GPC5: variants seen among roughly 807,000 people sequenced by gnomAD.
The protein encoded by GPC5 is glypican 5.
In GPC5, 47 loss-of-function variants were observed where a neutral mutation model predicts 53.9. The observed-to-expected ratio is 0.87, with a 90% CI of 0.69 to 1.11. The LOEUF (loss-of-function observed/expected upper bound fraction) is 1.11. Among genes scored for constraint, GPC5 ranks in the 50% most tolerant of loss-of-function variants. The probability of loss-of-function intolerance (pLI) is 0.00; values close to 1 mark genes in which losing one functional copy is unlikely to be tolerated. For missense variants in GPC5, 748 were observed against 713.1 expected, an observed-to-expected ratio of 1.05 and a Z score of -0.56; for synonymous variants, 286 against 263.3, an observed-to-expected ratio of 1.09 and a Z score of -0.84.
intron 7 of GPC5, among the ~76,000 whole-genome samples, chr13:92,194,376 A>T (rs936991666): frequency 3.9e-4 from 59 of 152,280 alleles, no homozygotes; most frequent in African/African-American, 1.4e-3. Flanking sequence ...AACACACTTG[A>T]TCCTAATACC....
At position 92,444,164 on chromosome 13, in the gene GPC5, A is replaced by T. The variant is rs17363156; in HGVS notation, c.1561+299175A>T. Reference sequence around the variant, plus strand: ...GGACGGATCCTGAGATTGGAATGATAAATTTTTAAATACATACATAGGTAT... The same window carrying T: ...GGACGGATCCTGAGATTGGAATGATTAATTTTTAAATACATACATAGGTAT... On this transcript the variant is annotated intron_variant, in intron 7 of 7. Transcript: ENST00000377067. 5.5e-3 allele frequency among the ~76,000 whole-genome samples: 834 copies of T among 152,280 alleles called. 6 individuals carry two copies. Among genetic ancestry groups the T allele is most frequent in the Non-Finnish European group, 8.3e-3 (565 of 68,018 alleles).
Position 91,419,132 on chromosome 13 carries a change from G to A in GPC5, c.163+19923G>A, listed in dbSNP as rs144982355. ...TACAAGTTATAAAACTTCAAGAATAGCTAATAATTTGAGCAAGAAGGAATC... is the reference window on the plus strand; with the variant it reads ...TACAAGTTATAAAACTTCAAGAATAACTAATAATTTGAGCAAGAAGGAATC... On this transcript the variant is annotated intron_variant, in intron 1 of 7. Transcript: ENST00000377067. Among the ~76,000 whole-genome samples the A allele has an allele frequency of 4.1e-3, 628 of 152,140 alleles. 7 individuals carry two copies. Among genetic ancestry groups the A allele is most frequent in the African/African-American group, 0.014 (587 of 41,526 alleles).
intron 2 of GPC5, among the ~76,000 whole-genome samples, chr13:91,685,771 A>G (rs2035608569): frequency 6.6e-6 from 1 of 152,158 alleles, no homozygotes; most frequent in African/African-American, 2.4e-5. Context: ...ATACACTAAG[A>G]GGGAATAGAC....
chr13:92,153,685 A>AGCCT (rs2041923133), intron 7 of GPC5, among the ~76,000 whole-genome samples: 1 of 152,330 alleles, frequency 6.6e-6, no homozygotes, highest in East Asian at 1.9e-4. Context: ...TAGGTATGTG[A>AGCCT]GCCTGCTTTG....
chr13:92,350,836 C>A (rs1007661853), intron 7 of GPC5, among the ~76,000 whole-genome samples: 1 of 151,674 alleles, frequency 6.6e-6, no homozygotes, highest in Non-Finnish European at 1.5e-5. Flanking sequence ...TTTAAAAGAC[C>A]AAGACAATTC....
At chr13:91,701,418 T>G (rs1459255413) in intron 3 of GPC5, among the ~76,000 whole-genome samples, 1 of 152,164 alleles carries the variant, frequency 6.6e-6, no homozygotes, top group African/African-American at 2.4e-5. Flanking sequence ...AGATTCTACA[T>G]AAAAATGAGA....
At chr13:92,310,319 G>A (rs527775554) in intron 7 of GPC5, among the ~76,000 whole-genome samples, 1 of 152,090 alleles carries the variant, frequency 6.6e-6, no homozygotes, top group African/African-American at 2.4e-5. Context: ...ATTTTCTCCT[G>A]TTATATTCTA....
chr13:91,530,990 T>A (rs1480313608), intron 2 of GPC5, among the ~76,000 whole-genome samples: 1 of 152,202 alleles, frequency 6.6e-6, no homozygotes, highest in Admixed American at 6.5e-5. Context: ...ATTCTACTTA[T>A]TACAATTGCT....
intron 5 of GPC5, among the ~76,000 whole-genome samples, chr13:91,885,048 G>A (rs937434529): frequency 1.3e-5 from 2 of 151,988 alleles, no homozygotes; most frequent in African/African-American, 4.8e-5. Flanking sequence ...CATAAAATAT[G>A]AAAAATAAAT....
intron 7 of GPC5, among the ~76,000 whole-genome samples, chr13:92,530,228 A>G (rs1383129466): frequency 2.6e-5 from 4 of 152,308 alleles, no homozygotes; most frequent in Non-Finnish European, 4.4e-5. Flanking sequence ...TAAACACACA[A>G]TGAAATCTTA....
intron 2 of GPC5, among the ~76,000 whole-genome samples, chr13:91,650,750 G>GTTTTGTTTTGTTTTTTTTTTTTTTTTTT (rs1555333961): frequency 3.0e-5 from 3 of 99,642 alleles, no homozygotes; most frequent in African/African-American, 1.2e-4. Context: ...ATTCCCATAA[G>GTTTTGTTTTGTTTTTTTTTTTTTTTTTT]TTTTTTTTTT....
intron 7 of GPC5, among the ~76,000 whole-genome samples, chr13:92,708,458 C>A (rs1888022475): frequency 6.6e-6 from 1 of 152,084 alleles, no homozygotes. Flanking sequence ...TGATAGTAAT[C>A]TTTGGCAATA....
chr13:92,517,493 A>G (rs1398405603), intron 7 of GPC5, among the ~76,000 whole-genome samples: 1 of 152,188 alleles, frequency 6.6e-6, no homozygotes, highest in Non-Finnish European at 1.5e-5. Context: ...TGAAGCTTCC[A>G]GAGGAACGAT....
chr13:92,358,310 C>T (rs1403851646), intron 7 of GPC5, among the ~76,000 whole-genome samples: 1 of 150,280 alleles, frequency 6.7e-6, no homozygotes, highest in African/African-American at 2.5e-5. Context: ...TGGGCAACTC[C>T]ACCCCTGTGG....
intron 7 of GPC5, among the ~76,000 whole-genome samples, chr13:92,538,502 G>T: frequency 7.2e-6 from 1 of 139,328 alleles, no homozygotes; most frequent in Admixed American, 7.4e-5. Context: ...TGGGATACAT[G>T]TGCAGAATTT....
At chr13:92,507,472 G>A (rs1318404397) in intron 7 of GPC5, among the ~76,000 whole-genome samples, 1 of 151,986 alleles carries the variant, frequency 6.6e-6, no homozygotes, top group Non-Finnish European at 1.5e-5. Context: ...TTCTGCAGTA[G>A]GTGTAGTATT....
intron 7 of GPC5, chr13:92,240,342 T>C (rs2042602548): frequency 6.6e-6 from 1 of 152,080 alleles, no homozygotes; most frequent in Admixed American, 6.6e-5. Context: ...ATTCTTAGCA[T>C]CTAATTGTCT....
At chr13:91,444,128 A>G (rs1466766637) in intron 1 of GPC5, among the ~76,000 whole-genome samples, 1 of 151,490 alleles carries the variant, frequency 6.6e-6, no homozygotes, top group Non-Finnish European at 1.5e-5. Flanking sequence ...TTTATTTTTC[A>G]TTTTCTGTTT....
intron 7 of GPC5, among the ~76,000 whole-genome samples, chr13:92,499,202 G>A (rs559523385): frequency 6.0e-4 from 91 of 152,238 alleles, no homozygotes; most frequent in Middle Eastern, 6.8e-3. Flanking sequence ...CAAAAGTAAT[G>A]TGAGGTGGCT....
Sources: allele counts gnomAD v4.1 joint callset (sites outside exome capture counted in the v4.1 genomes callset), GRCh38; gene constraint gnomAD v4.1.1; transcripts MANE v1.5; gene names NCBI Gene and HGNC (gene_info 2026-07-23, HGNC 2026-07-21).